Variants in RHOA observed in about 807,000 individuals in gnomAD.
RHOA encodes the protein ras homolog family member A.
Under a neutral mutation model 17.5 loss-of-function variants are expected in RHOA, and 3 were observed. That is an observed-to-expected ratio of 0.17 (90% CI 0.08 to 0.44). RHOA has a LOEUF of 0.44. Among genes scored for constraint, RHOA ranks in the 20% least tolerant of loss-of-function variants. RHOA has a pLI of 0.99. For synonymous variants in RHOA, 98 were observed against 88.4 expected, an observed-to-expected ratio of 1.11 and a Z score of -0.61; for missense variants, 56 against 242.3, an observed-to-expected ratio of 0.23 and a Z score of 5.10.
chr3:49,375,709 A>C, intron 1 of RHOA, 118 bp from the exon 2 acceptor site: 1 of 1,030,216 alleles, frequency 9.7e-7, no homozygotes, highest in South Asian at 1.7e-5. Context: ...CTCAAATTCA[A>C]ACTTCTAGTA....
chr3:49,360,108 G>C lies in RHOA; in HGVS notation c.*101C>G. The C allele has an allele frequency of 1.6e-6, 2 of 1,248,170 alleles. No individual in the cohort carries two copies. Among genetic ancestry groups the C allele is most frequent in the African/African-American group, 3.0e-5 (2 of 66,308 alleles). The allele number at this position is 1,248,170 out of a possible 1,614,324, so 77.3% of individuals were successfully genotyped here. A position where few individuals can be genotyped will look rare whatever the true frequency, so the allele number is the denominator to read the frequency against. On this transcript the variant is annotated 3_prime_UTR_variant, in exon 5 of 5. Transcript: ENST00000418115. ...AGATGACTTCTGATTTGTAATCTTA[G>C]GTAAATTATAGATAAATGAAAAAGG...
At chr3:49,404,587 A>G (rs11715060) in intron 1 of RHOA, among the ~76,000 whole-genome samples, 97,132 of 131,156 alleles carry the variant, frequency 0.74, 36,210 homozygotes, top group East Asian at 0.99. Flanking sequence ...ACTCCAGCTT[A>G]GACAACAGAG....
At chr3:49,387,735 G>A (rs1185861895) in intron 1 of RHOA, among the ~76,000 whole-genome samples, 1 of 143,076 alleles carries the variant, frequency 7.0e-6, no homozygotes. Flanking sequence ...CGAGACTCCA[G>A]GTCTCAAAAA....
At position 49,360,139 on chromosome 3, in the gene RHOA, A is replaced by C; in HGVS notation, c.*70T>G. On this transcript the variant is annotated 3_prime_UTR_variant, in exon 5 of 5. Transcript: ENST00000418115. ...TTATAGATAAATGAAAAAGGCCAGT[A>C]ATCATACACTAAGATTAATAAACAG... is the stretch of plus-strand genomic sequence containing the variant. The C allele has an allele frequency of 2.1e-6, 3 of 1,433,714 alleles. No homozygotes were observed. The highest frequency in any genetic ancestry group is 2.8e-6 in the Non-Finnish European group (3 of 1,053,072). The allele number at this position is 1,433,714 out of a possible 1,614,324, so 88.8% of individuals were successfully genotyped here. A position where few individuals can be genotyped will look rare whatever the true frequency, so the allele number is the denominator to read the frequency against.
At chr3:49,372,439 A>T (rs2048160562) in intron 2 of RHOA, among the ~76,000 whole-genome samples, 1 of 152,150 alleles carries the variant, frequency 6.6e-6, no homozygotes, top group African/African-American at 2.4e-5. Context: ...GTATTTGAAT[A>T]AAAAAGAGCA....
chr3:49,392,763 C>T (rs1182414157), intron 1 of RHOA, among the ~76,000 whole-genome samples: 1 of 152,158 alleles, frequency 6.6e-6, no homozygotes, highest in Non-Finnish European at 1.5e-5. Context: ...AGCACGTCCA[C>T]CATCACAGAA....
intron 3 of RHOA, 44 bp downstream of exon 3, chr3:49,368,384 A>T (rs1007373841): frequency 3.1e-6 from 5 of 1,589,538 alleles, no homozygotes; most frequent in Admixed American, 1.7e-5. Context: ...GATGCCAACT[A>T]GCTACACAGG....
rs914491928 is a variant in RHOA, at chr3:49,373,917, A to C, written c.156+1517T>G. The stretch of plus-strand genomic sequence containing the variant: ...CAAACCAAAACCAAAATTAAAACCC[A>C]AAAAAACCCTCCAATTTCACAAGAG... On this transcript the variant is annotated intron_variant, in intron 2 of 4. Coordinates refer to ENST00000418115, the MANE Select transcript of RHOA (RefSeq NM_001664.4). 2.6e-5 allele frequency among the ~76,000 whole-genome samples: 4 copies of C among 152,180 alleles called. No homozygotes were observed. In the South Asian group the frequency reaches 8.3e-4, roughly 32 times the overall value.
chr3:49,372,679 A>G (rs2048164645), intron 2 of RHOA, among the ~76,000 whole-genome samples: 1 of 146,310 alleles, frequency 6.8e-6, no homozygotes, highest in African/African-American at 2.5e-5. Context: ...GGTTGCAGTT[A>G]GCAGAGATCA....
At chr3:49,400,107 G>A (rs887030571) in intron 1 of RHOA, among the ~76,000 whole-genome samples, 2 of 151,750 alleles carry the variant, frequency 1.3e-5, no homozygotes, top group East Asian at 3.9e-4. Flanking sequence ...AGCTACTCGG[G>A]AGGCTGAGGC....
intron 1 of RHOA, among the ~76,000 whole-genome samples, chr3:49,399,053 TCAAAAAAAAA>T (rs2048671883): frequency 7.9e-5 from 1 of 12,714 alleles, no homozygotes; most frequent in Non-Finnish European, 1.3e-4. Context: ...AGACTCCGTC[TCAAAAAAAAA>T]AAAAAAAAAA....
At chr3:49,372,198 C>T (rs1315069717) in intron 2 of RHOA, among the ~76,000 whole-genome samples, 3 of 152,078 alleles carry the variant, frequency 2.0e-5, no homozygotes, top group Non-Finnish European at 4.4e-5. Context: ...ACAACTGGGC[C>T]CTGTGTCCAT....
intron 2 of RHOA, among the ~76,000 whole-genome samples, chr3:49,371,165 A>G (rs2048141476): frequency 6.6e-6 from 1 of 152,060 alleles, no homozygotes; most frequent in Non-Finnish European, 1.5e-5. Context: ...AAATGCTTCC[A>G]AGATGTTGAG....
chr3:49,393,963 C>T (rs1467879819), intron 1 of RHOA, among the ~76,000 whole-genome samples: 2 of 151,608 alleles, frequency 1.3e-5, no homozygotes, highest in African/African-American at 4.8e-5. Flanking sequence ...CTCCACCTCC[C>T]GGGTTCACGC....
chr3:49,400,029 G>A (rs541187470), intron 1 of RHOA, among the ~76,000 whole-genome samples: 216 of 151,878 alleles, frequency 1.4e-3, no homozygotes, highest in Non-Finnish European at 2.2e-3. Context: ...TGACCAACAA[G>A]GTGAAACCCG....
intron 1 of RHOA, among the ~76,000 whole-genome samples, chr3:49,403,100 G>T (rs1221957509): frequency 6.6e-6 from 1 of 151,410 alleles, no homozygotes; most frequent in Non-Finnish European, 1.5e-5. Flanking sequence ...CCAACACTTT[G>T]GGAAGCAGAG....
intron 1 of RHOA, among the ~76,000 whole-genome samples, chr3:49,402,659 T>A (rs778522927): frequency 1.3e-5 from 2 of 150,506 alleles, no homozygotes; most frequent in Non-Finnish European, 3.0e-5. Context: ...GGGAAACAGA[T>A]CAAGACTCTG....
chr3:49,394,042 TTTA>T (rs1006853620), intron 1 of RHOA, among the ~76,000 whole-genome samples: 1 of 151,908 alleles, frequency 6.6e-6, no homozygotes, highest in African/African-American at 2.4e-5. Context: ...GGCTAATTTT[TTTA>T]TTTTTTATTA....
chr3:49,380,681 A>G (rs1411335403), intron 1 of RHOA, among the ~76,000 whole-genome samples: 2 of 32,498 alleles, frequency 6.2e-5, no homozygotes, highest in Non-Finnish European at 9.9e-5. Context: ...CAAAAATAAT[A>G]ATAATAATAA....
Sources: allele counts gnomAD v4.1 joint callset (sites outside exome capture counted in the v4.1 genomes callset), GRCh38; gene constraint gnomAD v4.1.1; transcripts MANE v1.5; gene names NCBI Gene and HGNC (gene_info 2026-07-23, HGNC 2026-07-21).